ELMO1: variants seen among roughly 807,000 people sequenced by gnomAD.
The protein encoded by ELMO1 is engulfment and cell motility protein 1.
Under a neutral mutation model 98.9 loss-of-function variants are expected in ELMO1, and 26 were observed. The ratio of observed to expected loss-of-function variants is 0.26; its 90% CI spans 0.19 to 0.36. ELMO1 has a LOEUF of 0.36. Among genes scored for constraint, ELMO1 ranks in the 10% least tolerant of loss-of-function variants. ELMO1 has a pLI of 1.00. For synonymous variants in ELMO1, 346 were observed against 346.0 expected (o/e 1.00, Z 0.00); for missense variants, 627 against 935.2 (o/e 0.67, Z 4.30).
chr7:36,874,228 T>C (rs1424264897), intron 19 of ELMO1, among the ~76,000 whole-genome samples: 2 of 152,254 alleles, frequency 1.3e-5, no homozygotes, highest in African/African-American at 2.4e-5. Flanking sequence ...TAAATCCTGA[T>C]GCTGGAGCTG....
chr7:36,935,782 T>C (rs1280307967), intron 16 of ELMO1, among the ~76,000 whole-genome samples: 1 of 152,144 alleles, frequency 6.6e-6, no homozygotes, highest in Admixed American at 6.5e-5. Context: ...CCTAGGAAAA[T>C]GGCTGGCCCC....
intron 16 of ELMO1, among the ~76,000 whole-genome samples, chr7:36,976,925 G>A (rs1790602124): frequency 6.6e-6 from 1 of 152,204 alleles, no homozygotes; most frequent in South Asian, 2.1e-4. Context: ...ACCTACAGTT[G>A]GTGTTGAAAT....
intron 4 of ELMO1, among the ~76,000 whole-genome samples, chr7:37,302,100 T>G (rs114141906): frequency 5.1e-4 from 78 of 152,284 alleles, no homozygotes; most frequent in African/African-American, 1.8e-3. Flanking sequence ...GCCCCCAGAT[T>G]CTTTGCCACT....
chr7:36,861,632 A>G, intron 21 of ELMO1, 27 bp downstream of exon 21: 1 of 1,602,090 alleles, frequency 6.2e-7, no homozygotes, highest in East Asian at 2.2e-5. Flanking sequence ...ACATTATCTC[A>G]TAAATTATCA....
intron 11 of ELMO1, among the ~76,000 whole-genome samples, chr7:37,215,004 A>C (rs1480429076): frequency 3.3e-5 from 5 of 152,234 alleles, no homozygotes; most frequent in African/African-American, 1.2e-4. Context: ...TGCTGCTTCT[A>C]CATTTACTGA....
chr7:37,329,771 TCTGC>T (rs1800004917), intron 2 of ELMO1, among the ~76,000 whole-genome samples: 1 of 152,208 alleles, frequency 6.6e-6, no homozygotes, highest in South Asian at 2.1e-4. Context: ...AGCACTTTAC[TCTGC>T]CTTACCCCAC....
At chr7:37,043,615 T>C (rs541747544) in intron 15 of ELMO1, among the ~76,000 whole-genome samples, 1 of 152,170 alleles carries the variant, frequency 6.6e-6, no homozygotes, top group Non-Finnish European at 1.5e-5. Context: ...ATAAACTTCA[T>C]TACAATGATA....
chr7:37,157,905 T>C (rs1233994860), intron 13 of ELMO1, among the ~76,000 whole-genome samples: 3 of 152,098 alleles, frequency 2.0e-5, no homozygotes, highest in African/African-American at 4.8e-5. Flanking sequence ...CTTCAAACTA[T>C]ACTATAAGGC....
chr7:36,964,989 C>A (rs1789288683), intron 16 of ELMO1, among the ~76,000 whole-genome samples: 1 of 152,172 alleles, frequency 6.6e-6, no homozygotes, highest in African/African-American at 2.4e-5. Context: ...CCCCCCGCAT[C>A]CCCCATCCAG....
intron 17 of ELMO1, among the ~76,000 whole-genome samples, chr7:36,889,929 C>A (rs1221694691): frequency 6.6e-6 from 1 of 152,156 alleles, no homozygotes; most frequent in Non-Finnish European, 1.5e-5. Flanking sequence ...CAGGTGCCCA[C>A]CAGCTCTTTC....
At chr7:37,059,311 A>C (rs1291864675) in intron 15 of ELMO1, among the ~76,000 whole-genome samples, 1 of 152,214 alleles carries the variant, frequency 6.6e-6, no homozygotes, top group African/African-American at 2.4e-5. Flanking sequence ...TGGAAGATTA[A>C]AATTATTTCA....
intron 15 of ELMO1, among the ~76,000 whole-genome samples, chr7:37,054,985 T>C (rs545947851): frequency 6.6e-6 from 1 of 152,376 alleles, no homozygotes; most frequent in Admixed American, 6.5e-5. Flanking sequence ...GGAATGCTAC[T>C]GCTTAAAAAC....
intron 4 of ELMO1, among the ~76,000 whole-genome samples, chr7:37,313,393 T>G (rs1798986278): frequency 6.6e-6 from 1 of 152,008 alleles, no homozygotes; most frequent in South Asian, 2.1e-4. Flanking sequence ...CCCAGCTAAT[T>G]TATGTATTTT....
intron 16 of ELMO1, among the ~76,000 whole-genome samples, chr7:36,915,198 T>C (rs1784605374): frequency 6.6e-6 from 1 of 152,166 alleles, no homozygotes; most frequent in Non-Finnish European, 1.5e-5. Flanking sequence ...CCTGAGGAGC[T>C]GGGATTACAG....
intron 13 of ELMO1, among the ~76,000 whole-genome samples, chr7:37,189,455 G>A (rs1345631625): frequency 6.6e-6 from 1 of 152,142 alleles, no homozygotes; most frequent in Non-Finnish European, 1.5e-5. Flanking sequence ...AAAAATGAGT[G>A]TATATAACAT....
chr7:37,417,420 C>G (rs28581678), intron 1 of ELMO1, among the ~76,000 whole-genome samples: 25,386 of 152,038 alleles, frequency 0.17, 2,299 homozygotes, highest in South Asian at 0.26. Context: ...CCAGCACTTT[C>G]GGAGGCCGAG....
chr7:37,119,643 C>T (rs1201877962), intron 14 of ELMO1, among the ~76,000 whole-genome samples: 1 of 152,148 alleles, frequency 6.6e-6, no homozygotes, highest in African/African-American at 2.4e-5. Context: ...CTTGAGAAAA[C>T]AATTCTTCAG....
chr7:37,383,611 T>G (rs2701013), intron 1 of ELMO1, among the ~76,000 whole-genome samples: 41,678 of 152,154 alleles, frequency 0.27, 6,641 homozygotes, highest in Admixed American at 0.35. Context: ...TTTGTTACAT[T>G]TTTGGAAATT....
chr7:36,913,310 T>C (rs979372247), intron 16 of ELMO1, among the ~76,000 whole-genome samples: 2 of 152,176 alleles, frequency 1.3e-5, no homozygotes, highest in African/African-American at 4.8e-5. Context: ...GGCTATTGTA[T>C]TAGAGGAGAG....
Sources: allele counts gnomAD v4.1 joint callset (sites outside exome capture counted in the v4.1 genomes callset), GRCh38; gene constraint gnomAD v4.1.1; transcripts MANE v1.5; gene names NCBI Gene and HGNC (gene_info 2026-07-23, HGNC 2026-07-21).